IL5: variants seen among roughly 807,000 people sequenced by gnomAD.
IL5 encodes the protein interleukin-5.
Under a neutral mutation model 16.3 loss-of-function variants are expected in IL5, and 12 were observed. The observed-to-expected ratio is 0.74, with a 90% CI of 0.47 to 1.20. IL5 has a LOEUF of 1.20. Among genes scored for constraint, IL5 ranks in the 50% most tolerant of loss-of-function variants. The pLI is 0.00. For missense variants in IL5, 159 were observed against 153.9 expected, an observed-to-expected ratio of 1.03 and a Z score of -0.17; for synonymous variants, 54 against 56.6, an observed-to-expected ratio of 0.95 and a Z score of 0.21.
upstream of IL5, among the ~76,000 whole-genome samples, chr5:132,546,366 A>T (rs920256359): frequency 6.6e-6 from 1 of 152,028 alleles, no homozygotes; most frequent in Non-Finnish European, 1.5e-5. Context: ...TGTCTTTATG[A>T]ATTTGATGAC....
chr5:132,543,132 G>A lies in IL5; in HGVS notation c.145-6C>T. ...GGAACAGGAATCCTCAGAGTCTGGA[G>A]AGGAAAGGAAATACAATCATTTTTA... is the stretch of plus-strand genomic sequence containing the variant. On this transcript the variant is annotated splice_region_variant and splice_polypyrimidine_tract_variant and intron_variant, in intron 1 of 3. Coordinates refer to ENST00000231454, the MANE Select transcript of IL5 (RefSeq NM_000879.3). The A allele has an allele frequency of 1.9e-6, 3 of 1,606,192 alleles. No homozygotes were observed. Among genetic ancestry groups the A allele is most frequent in the African/African-American group, 1.3e-5 (1 of 74,844 alleles).
At position 132,541,802 on chromosome 5, in the gene IL5, A is replaced by G; in HGVS notation, c.*9T>C. The G allele has an allele frequency of 6.3e-7, 1 of 1,586,652 alleles. No homozygotes were observed. Among genetic ancestry groups the G allele is most frequent in the South Asian group, 1.1e-5 (1 of 89,556 alleles). Reference sequence around the variant, plus strand: ...CCAAAATCTTTGGCTGCAACAAACCAGTTTAGTCTCAACTTTCTATTATCC... The same window carrying G: ...CCAAAATCTTTGGCTGCAACAAACCGGTTTAGTCTCAACTTTCTATTATCC... On this transcript the variant is annotated 3_prime_UTR_variant, in exon 4 of 4. Coordinates refer to ENST00000231454, the MANE Select transcript of IL5 (RefSeq NM_000879.3).
intron 1 of IL5, among the ~76,000 whole-genome samples, chr5:132,548,540 C>G (rs984610396): frequency 6.6e-6 from 1 of 152,156 alleles, no homozygotes; most frequent in Non-Finnish European, 1.5e-5. Flanking sequence ...GAAAAACAAT[C>G]GCTTCCCAGC....
chr5:132,548,037 C>G (rs1489379023), upstream of IL5, among the ~76,000 whole-genome samples: 1 of 152,120 alleles, frequency 6.6e-6, no homozygotes, highest in Non-Finnish European at 1.5e-5. Flanking sequence ...CCACTGCACT[C>G]TAGCCTGGGT....
chr5:132,549,726 A>T (rs1355879979), intron 1 of IL5, among the ~76,000 whole-genome samples: 1 of 152,210 alleles, frequency 6.6e-6, no homozygotes, highest in Non-Finnish European at 1.5e-5. Context: ...TTTACTGTGT[A>T]GTCCTTAAGG....
At chr5:132,542,905 A>C (rs2069816) in intron 2 of IL5, among the ~76,000 whole-genome samples, 189 bp downstream of exon 2, 2,937 of 152,322 alleles carry the variant, frequency 0.019, 71 homozygotes, top group African/African-American at 0.06. Flanking sequence ...AGCCTAATCC[A>C]CTTGTTTAAA....
At chr5:132,554,353 T>A (rs1580971499) in intron 1 of IL5, among the ~76,000 whole-genome samples, 2 of 105,566 alleles carry the variant, frequency 1.9e-5, no homozygotes, top group African/African-American at 3.8e-5. Context: ...GGTGACAGAG[T>A]GAGACTCCAT....
At chr5:132,543,612 G>T, upstream of IL5, 1 of 771,010 alleles carries the variant, frequency 1.3e-6, no homozygotes, top group South Asian at 3.3e-5. Context: ...CCTAATAATG[G>T]CATATCGTGA....
chr5:132,547,123 T>C (rs1200975532), upstream of IL5, among the ~76,000 whole-genome samples: 2 of 152,168 alleles, frequency 1.3e-5, no homozygotes. Flanking sequence ...ATGTAGCTAC[T>C]ACACCCTCAA....
At chr5:132,547,035 A>G (rs1749806474), upstream of IL5, among the ~76,000 whole-genome samples, 1 of 152,146 alleles carries the variant, frequency 6.6e-6, no homozygotes, top group African/African-American at 2.4e-5. Context: ...CAAAAAAAAG[A>G]AAGAGCTTTA....
At chr5:132,553,044 C>T (rs1749909763) in intron 1 of IL5, among the ~76,000 whole-genome samples, 1 of 152,150 alleles carries the variant, frequency 6.6e-6, no homozygotes, top group African/African-American at 2.4e-5. Context: ...ACTTATCTCC[C>T]AAATTTCCTT....
chr5:132,547,125 C>T (rs926008733), upstream of IL5, among the ~76,000 whole-genome samples: 2 of 152,194 alleles, frequency 1.3e-5, no homozygotes, highest in African/African-American at 2.4e-5. Flanking sequence ...GTAGCTACTA[C>T]ACCCTCAAGG....
In IL5 at chr5:132,542,061, A is replaced by C; in HGVS notation, c.260T>G (p.Leu87Arg). 2 of 1,613,884 alleles carry C rather than the reference A, an allele frequency of 1.2e-6. No homozygotes were observed. Among genetic ancestry groups the C allele is most frequent in the Non-Finnish European group, 1.7e-6 (2 of 1,179,778 alleles). The change falls in exon 3 of 4, where the codon CTA (leucine) becomes CGA (arginine). Residue 87 changes from leucine (L) to arginine (R), a missense_variant. Physicochemically the swap from Leu to Arg is moderately radical, Grantham distance 102. Coordinates refer to ENST00000231454, the MANE Select transcript of IL5 (RefSeq NM_000879.3). ...QTVQGGTVER[L>R]FKNLSLIKKY... ...CTTTATTAAGGACAAGTTTTTGAAT[A>C]GTCTTTCCACAGTACCCCCTTGCAC... is the stretch of plus-strand genomic sequence containing the variant.
Position 132,542,053 on chromosome 5 carries a change from T to G in IL5, c.268A>C (p.Asn90His), listed in dbSNP as rs1376431576. ...QGGTVERLFK[N>H]LSLIKKYIDG... is the part of the protein sequence containing the mutation. ...ATGTATTTCTTTATTAAGGACAAGT[T>G]TTTGAATAGTCTTTCCACAGTACCC... The change falls in exon 3 of 4, where the codon AAC becomes CAC. Residue 90 changes from asparagine (N) to histidine (H), a missense_variant. By Grantham distance (68) the Asn-to-His change is moderately conservative. Coordinates refer to ENST00000231454, the MANE Select transcript of IL5 (RefSeq NM_000879.3). 1 of 1,613,988 alleles carries G rather than the reference T, an allele frequency of 6.2e-7. No homozygotes were observed.
chr5:132,554,606 G>A (rs1749942020), intron 1 of IL5, among the ~76,000 whole-genome samples: 1 of 152,022 alleles, frequency 6.6e-6, no homozygotes, highest in Non-Finnish European at 1.5e-5. Flanking sequence ...AATGTCAAAT[G>A]GTACAACCAC....
At chr5:132,544,224 A>G (rs2069812), upstream of IL5, among the ~76,000 whole-genome samples, 82,341 of 152,114 alleles carry the variant, frequency 0.54, 26,057 homozygotes, top group Non-Finnish European at 0.7. Flanking sequence ...TCCTGGATCT[A>G]TATGTATTCT....
Position 132,549,440 on chromosome 5 carries a change from A to C in IL5, c.43-6314T>G, listed in dbSNP as rs765694206. 2.2e-4 allele frequency among the ~76,000 whole-genome samples: 34 copies of C among 152,248 alleles called. 1 individual carries two copies. The highest frequency in any genetic ancestry group is 4.1e-4 in the Non-Finnish European group (28 of 68,046). ...AGAACTCCTGGGCAAAAGAGAGCAA[A>C]GCTTTAAAGTTCAGCTACAGAGACG... On this transcript the variant is annotated intron_variant, in intron 1 of 2. Coordinates refer to the IL5 transcript ENST00000450655.
At chr5:132,547,221 A>G (rs543274319), upstream of IL5, among the ~76,000 whole-genome samples, 1 of 152,330 alleles carries the variant, frequency 6.6e-6, no homozygotes, top group South Asian at 2.1e-4. Flanking sequence ...GGGGAGAATA[A>G]GAGGAATAAC....
At chr5:132,552,406 G>T (rs1259265355) in intron 1 of IL5, among the ~76,000 whole-genome samples, 2 of 152,126 alleles carry the variant, frequency 1.3e-5, no homozygotes, top group Non-Finnish European at 2.9e-5. Context: ...TTTTTTGGAA[G>T]TAGTAGTTTA....
Sources: allele counts gnomAD v4.1 joint callset (sites outside exome capture counted in the v4.1 genomes callset), GRCh38; gene constraint gnomAD v4.1.1; transcripts MANE v1.5; gene names NCBI Gene and HGNC (gene_info 2026-07-23, HGNC 2026-07-21).